The following PDGFC variants were observed in gnomAD, a reference collection of about 807,000 sequenced individuals.
PDGFC encodes platelet-derived growth factor C.
A neutral mutation model predicts 35.5 loss-of-function variants in PDGFC; 12 were observed. The observed-to-expected ratio is 0.34, with a 90% CI of 0.22 to 0.55. The LOEUF is 0.55. Ranked by LOEUF, PDGFC falls within the 20% of genes least tolerant of loss-of-function variation. The pLI is 0.91. For synonymous variants in PDGFC, 159 were observed against 148.8 expected (o/e 1.07, Z -0.50); for missense variants, 322 against 412.4 (o/e 0.78, Z 1.90).
rs186172116 is a variant in PDGFC at position 156,808,617 on chromosome 4, T to C, written c.495+2220A>G. ...CATTAATCTGTTACACAGATAAGAT[T>C]GATGGATTGCACCCTGTTAGCAAAG... On this transcript the variant is annotated intron_variant, in intron 3 of 5. Coordinates refer to ENST00000502773, the MANE Select transcript of PDGFC (RefSeq NM_016205.3). Among the ~76,000 whole-genome samples the C allele has an allele frequency of 1.6e-3, 248 of 151,910 alleles. 1 individual carries two copies. The highest frequency in any genetic ancestry group is 5.5e-3 in the African/African-American group (227 of 41,458).
At chr4:156,784,446 T>C (rs1346953951) in intron 3 of PDGFC, among the ~76,000 whole-genome samples, 1 of 152,190 alleles carries the variant, frequency 6.6e-6, no homozygotes, top group East Asian at 1.9e-4. Context: ...CCACTGTAGC[T>C]ATTCCACAGG....
At chr4:156,883,102 A>G (rs1352140556) in intron 1 of PDGFC, among the ~76,000 whole-genome samples, 5 of 151,474 alleles carry the variant, frequency 3.3e-5, no homozygotes, top group Non-Finnish European at 7.4e-5. Flanking sequence ...AAAAAAAAAG[A>G]AAATGCCACT....
chr4:156,929,075 G>A (rs1289282692), intron 1 of PDGFC, among the ~76,000 whole-genome samples: 2 of 152,236 alleles, frequency 1.3e-5, no homozygotes, highest in Middle Eastern at 3.4e-3. Flanking sequence ...GGTCAGCTGC[G>A]AGCAATAGTC....
rs536191747 is a variant in PDGFC at position 156,957,724 on chromosome 4, A to C, written c.118+13062T>G. ...TGGGCGGGTGGATAAAGGAGCTCAC[A>C]ATAAAGCATGAAGAATCACTCTTCT... On this transcript the variant is annotated intron_variant, in intron 1 of 5. Coordinates refer to ENST00000502773, the MANE Select transcript of PDGFC (RefSeq NM_016205.3). Among the ~76,000 whole-genome samples, 6 of 152,148 alleles carry C rather than the reference A, an allele frequency of 3.9e-5. No individual in the cohort carries two copies. In the South Asian group the frequency reaches 1.2e-3, roughly 32 times the overall value.
At chr4:156,845,857 T>C (rs1729314005) in intron 2 of PDGFC, among the ~76,000 whole-genome samples, 1 of 151,784 alleles carries the variant, frequency 6.6e-6, no homozygotes, top group African/African-American at 2.4e-5. Context: ...TCTTTAACAG[T>C]CATAACAGAG....
At chr4:156,777,664 T>G (rs957636790) in intron 3 of PDGFC, among the ~76,000 whole-genome samples, 1 of 152,204 alleles carries the variant, frequency 6.6e-6, no homozygotes, top group African/African-American at 2.4e-5. Context: ...AAGGCACCAC[T>G]GTTTAAGTCT....
chr4:156,796,491 A>ATTTTTTTTTTTTTTTTTTTT (rs35891804), intron 3 of PDGFC, among the ~76,000 whole-genome samples: 1 of 101,628 alleles, frequency 9.8e-6, no homozygotes. Context: ...ACCACTTTGT[A>ATTTTTTTTTTTTTTTTTTTT]TTTTTTTTTT....
At chr4:156,824,372 A>G (rs1391514677) in intron 2 of PDGFC, among the ~76,000 whole-genome samples, 2 of 146,498 alleles carry the variant, frequency 1.4e-5, no homozygotes, top group Admixed American at 6.8e-5. Flanking sequence ...ATATACACAC[A>G]CATACATACA....
chr4:156,935,840 G>A (rs578246608), intron 1 of PDGFC, among the ~76,000 whole-genome samples: 1 of 152,236 alleles, frequency 6.6e-6, no homozygotes, highest in South Asian at 2.1e-4. Context: ...CACTGTATAT[G>A]CTAGATCTTG....
chr4:156,890,913 GTA>G (rs948633832), intron 1 of PDGFC, among the ~76,000 whole-genome samples: 1 of 152,098 alleles, frequency 6.6e-6, no homozygotes, highest in African/African-American at 2.4e-5. Context: ...GGTAATATGT[GTA>G]TATGTGTGTG....
chr4:156,884,077 G>T (rs549135689), intron 1 of PDGFC, among the ~76,000 whole-genome samples: 1 of 152,112 alleles, frequency 6.6e-6, no homozygotes, highest in African/African-American at 2.4e-5. Flanking sequence ...CTCAAGGAAC[G>T]CATGTCCTAC....
intron 1 of PDGFC, among the ~76,000 whole-genome samples, chr4:156,934,670 A>G (rs895512837): frequency 2.0e-5 from 3 of 152,218 alleles, no homozygotes; most frequent in African/African-American, 7.2e-5. Flanking sequence ...TAAAATACAC[A>G]TTGCACAACT....
At chr4:156,798,898 T>C (rs909844686) in intron 3 of PDGFC, among the ~76,000 whole-genome samples, 1 of 152,212 alleles carries the variant, frequency 6.6e-6, no homozygotes, top group Non-Finnish European at 1.5e-5. Context: ...ACTTCCTCTT[T>C]AGCAATGCTA....
Position 156,971,435 on chromosome 4 carries a change from GGGGGAA to G in PDGFC, c.-538_-533del. 5.4e-6 allele frequency: 2 copies of G among 370,122 alleles called. No homozygotes were observed. The highest frequency in any genetic ancestry group is 9.2e-5 in the Admixed American group (2 of 21,718). The allele number at this position is 370,122 out of a possible 1,614,324, so 22.9% of individuals were successfully genotyped here. A position where few individuals can be genotyped will look rare whatever the true frequency, so the allele number is the denominator to read the frequency against. The stretch of plus-strand genomic sequence containing the variant: ...CCCACCCCCCACCCCCGAAGGGGGA[GGGGGAA>G]GAAACAAGGCGAGGGCGCCGCGGCG... On this transcript the variant is annotated 5_prime_UTR_variant, in exon 1 of 6. Transcript: ENST00000502773.
rs1399521744 is a variant in PDGFC, at chr4:156,850,315, C to A, written c.220G>T (p.Val74Leu). Residue 74 changes from valine (V) to leucine (L), a missense_variant, in exon 2 of 6, where the codon GTA becomes TTA. By Grantham distance (32) the Val-to-Leu change is conservative. This residue lies in a region of PDGFC where 120 missense variants were observed against 116.6 expected (regional missense o/e 1.03). Transcript: ENST00000502773. ...PHTYPRNTVL[V>L]WRLVAVEENV... Reference sequence around the variant, plus strand: ...TCCTCTACTGCTACTAATCTCCATACCAAGACCGTATTTCTTGGATAAGTA... The same window carrying A: ...TCCTCTACTGCTACTAATCTCCATAACAAGACCGTATTTCTTGGATAAGTA... 2 of 1,610,008 alleles carry A rather than the reference C, an allele frequency of 1.2e-6. No homozygotes were observed. The highest frequency in any genetic ancestry group is 1.7e-6 in the Non-Finnish European group (2 of 1,177,026).
intron 1 of PDGFC, among the ~76,000 whole-genome samples, chr4:156,917,907 G>A (rs1178266116): frequency 6.6e-6 from 1 of 152,114 alleles, no homozygotes; most frequent in Non-Finnish European, 1.5e-5. Context: ...CAACATTCAG[G>A]AGACATTTTA....
At chr4:156,768,275 A>C in intron 4 of PDGFC, among the ~76,000 whole-genome samples, 1 of 151,264 alleles carries the variant, frequency 6.6e-6, no homozygotes, top group Non-Finnish European at 1.5e-5. Flanking sequence ...ATAAATAGGA[A>C]ACTTTATACA....
rs536789244 is a variant in PDGFC at position 156,768,872 on chromosome 4, T to C, written c.704-882A>G. 4.5e-4 allele frequency among the ~76,000 whole-genome samples: 69 copies of C among 152,122 alleles called. No individual in the cohort carries two copies. The South Asian group carries it at 0.013, about 28-fold the overall frequency. On this transcript the variant is annotated intron_variant, in intron 4 of 5. Coordinates refer to ENST00000502773, the MANE Select transcript of PDGFC (RefSeq NM_016205.3). Reference sequence around the variant, plus strand: ...AGAACCATTGTTTTTAACTACAAAATGATTCTGCCTCAGGAAAATTATATC... The same window carrying C: ...AGAACCATTGTTTTTAACTACAAAACGATTCTGCCTCAGGAAAATTATATC...
intron 3 of PDGFC, among the ~76,000 whole-genome samples, chr4:156,802,965 G>C (rs977964702): frequency 1.3e-5 from 2 of 151,984 alleles, no homozygotes; most frequent in Non-Finnish European, 2.9e-5. Flanking sequence ...TACTCTCTTC[G>C]CAAACAAGGA....
Sources: allele counts gnomAD v4.1 joint callset (sites outside exome capture counted in the v4.1 genomes callset), GRCh38; gene constraint gnomAD v4.1.1; regional missense constraint gnomAD v4.1.1; transcripts MANE v1.5; gene names NCBI Gene and HGNC (gene_info 2026-07-23, HGNC 2026-07-21).